SPTB: variants seen among roughly 807,000 people sequenced by gnomAD.
The protein encoded by SPTB is spectrin beta chain, erythrocytic.
In SPTB, 45 loss-of-function variants were observed where a neutral mutation model predicts 256.2. That is an observed-to-expected ratio of 0.18 (90% CI 0.14 to 0.23). The LOEUF is 0.23. Among genes scored for constraint, SPTB ranks in the 10% least tolerant of loss-of-function variants. SPTB has a pLI of 1.00. For missense variants in SPTB, 2,715 were observed against 3,040.4 expected (o/e 0.89, Z 2.52); for synonymous variants, 1,231 against 1,243.1 (o/e 0.99, Z 0.21).
At chr14:64,829,202 T>C (rs1249931695) in intron 1 of SPTB, among the ~76,000 whole-genome samples, 1 of 152,164 alleles carries the variant, frequency 6.6e-6, no homozygotes, top group Admixed American at 6.5e-5. Context: ...TTCCCATTTA[T>C]AGGAATTACA....
In SPTB at chr14:64,775,714, T is replaced by C. The variant is rs1192928579; in HGVS notation, c.4564-311A>G. ...TGACCTGGCAGCCTGTGCTCTTGAC[T>C]GTCCCCTATCTTCCTGTGCTTCAGC... is the stretch of plus-strand genomic sequence containing the variant. On this transcript the variant is annotated intron_variant, in intron 22 of 35. Transcript: ENST00000644917. The surrounding 1 kb of genome is among the most constrained non-coding windows in gnomAD (Gnocchi z 5.0). Among the ~76,000 whole-genome samples the C allele has an allele frequency of 6.6e-6, 1 of 152,250 alleles. No homozygotes were observed. Among genetic ancestry groups the C allele is most frequent in the African/African-American group, 2.4e-5 (1 of 41,478 alleles).
At chr14:64,861,892 G>A (rs1014155164) in intron 1 of SPTB, among the ~76,000 whole-genome samples, 3 of 152,068 alleles carry the variant, frequency 2.0e-5, no homozygotes, top group Non-Finnish European at 4.4e-5. Context: ...GAATTTCCAC[G>A]GCCTTGGATT....
chr14:64,862,574 C>T (rs990857759), intron 1 of SPTB, among the ~76,000 whole-genome samples: 2 of 151,996 alleles, frequency 1.3e-5, no homozygotes, highest in East Asian at 1.9e-4. Flanking sequence ...TTTGTGTCCA[C>T]TGGCACTTAA....
chr14:64,782,258 T>C, intron 20 of SPTB, 32 bp downstream of exon 20: 1 of 1,614,132 alleles, frequency 6.2e-7, no homozygotes, highest in East Asian at 2.2e-5. Context: ...CCTTCTATCC[T>C]AACACTCTGA....
At chr14:64,800,199 G>C (rs2082855961) in intron 8 of SPTB, among the ~76,000 whole-genome samples, 1 of 152,250 alleles carries the variant, frequency 6.6e-6, no homozygotes, top group African/African-American at 2.4e-5. Context: ...CAGTGCTAGA[G>C]AAGATTGGTA....
At position 64,824,074 on chromosome 14, in the gene SPTB, G is replaced by C. The variant is rs1216264439; in HGVS notation, c.-51-929C>G. 6.6e-6 allele frequency among the ~76,000 whole-genome samples: 1 copy of C among 152,158 alleles called. No individual in the cohort carries two copies. The highest frequency in any genetic ancestry group is 1.9e-4 in the East Asian group (1 of 5,194). ...AGGTGGCAGGCACTGTACTAGGCAGGGGCAAGTAAGACAGGAAAGTCATGT... is the reference window on the plus strand; with the variant it reads ...AGGTGGCAGGCACTGTACTAGGCAGCGGCAAGTAAGACAGGAAAGTCATGT... On this transcript the variant is annotated intron_variant, in intron 1 of 35. Transcript: ENST00000644917. This position sits in a 1 kb window ranked among gnomAD's most constrained non-coding sequence, Gnocchi z 5.7.
Position 64,786,959 on chromosome 14 carries a change from A to C in SPTB, c.3006T>G (p.Arg1002=), listed in dbSNP as rs558594444. 8 of 1,613,982 alleles carry C rather than the reference A, an allele frequency of 5.0e-6. No homozygotes were observed. The East Asian group carries it at 1.6e-4, about 31-fold the overall frequency. The change falls in exon 16 of 36, where the codon CGT becomes CGG. Residue 1002 remains arginine, a synonymous_variant. Coordinates refer to ENST00000644917, the MANE Select transcript of SPTB (RefSeq NM_001355436.2). This position sits in a 1 kb window ranked among gnomAD's most constrained non-coding sequence, Gnocchi z 5.6. ...CACGGGCCTGGATGGCGGCCACGTC[A>C]CGCTCCAGCCCTGACAACTTCCTCT... ...AIQRKLSGLE[R]DVAAIQARVD...
At chr14:64,822,362 T>TTGGGATACACACACACACA (rs1566786925) in intron 2 of SPTB, among the ~76,000 whole-genome samples, 1 of 2,812 alleles carries the variant, frequency 3.6e-4, no homozygotes, top group Non-Finnish European at 1.1e-3. Flanking sequence ...TCTCTCTCTC[T>TTGGGATACACACACACACA]CTCTCTCTCT....
chr14:64,797,505 A>G (rs2082797628), intron 10 of SPTB, among the ~76,000 whole-genome samples: 1 of 97,796 alleles, frequency 1.0e-5, no homozygotes, highest in Non-Finnish European at 2.0e-5. Context: ...AAAAAAAAGG[A>G]CTCAGGGATG....
Position 64,853,830 on chromosome 14 carries a change from G to A in SPTB, c.-52+25962C>T, listed in dbSNP as rs1162543014. ...CTGGCCTAGGATCTCACACATATCA[G>A]GAGCTTAGTAAAATTTAACACTTAT... On this transcript the variant is annotated intron_variant, in intron 1 of 35. Coordinates refer to ENST00000644917, the MANE Select transcript of SPTB (RefSeq NM_001355436.2). This position sits in a 1 kb window ranked among gnomAD's most constrained non-coding sequence, Gnocchi z 4.3. 6.6e-6 allele frequency among the ~76,000 whole-genome samples: 1 copy of A among 152,162 alleles called. No homozygotes were observed. The highest frequency in any genetic ancestry group is 2.4e-5 in the African/African-American group (1 of 41,424).
intron 32 of SPTB, among the ~76,000 whole-genome samples, chr14:64,762,489 C>T (rs1448545977): frequency 6.6e-6 from 1 of 152,228 alleles, no homozygotes; most frequent in Non-Finnish European, 1.5e-5. Flanking sequence ...AGACACCGGC[C>T]AAGAGGTGGT....
At chr14:64,820,630 A>G (rs1055155842) in intron 2 of SPTB, among the ~76,000 whole-genome samples, 1 of 152,190 alleles carries the variant, frequency 6.6e-6, no homozygotes, top group East Asian at 1.9e-4. Context: ...AGGAGGCTCA[A>G]CTAGGCACAG....
At position 64,786,375 on chromosome 14, in the gene SPTB, G is replaced by T; in HGVS notation, c.3561+29C>A. ...CAAGAGCTACTGCCCTGAGAGACCC[G>T]CCTGTCCCAGCCCTGAATGCCTCTC... On this transcript the variant is annotated intron_variant, in intron 16 of 35. Coordinates refer to ENST00000644917, the MANE Select transcript of SPTB (RefSeq NM_001355436.2). The surrounding 1 kb of genome is among the most constrained non-coding windows in gnomAD (Gnocchi z 5.6). The T allele has an allele frequency of 1.2e-6, 2 of 1,613,344 alleles. No individual in the cohort carries two copies. The highest frequency in any genetic ancestry group is 1.7e-6 in the Non-Finnish European group (2 of 1,179,980).
rs144668591 is a variant in SPTB, at chr14:64,794,533, T to C, written c.1729A>G (p.Ile577Val). ...TTCACTTTGTCCCCTTGGATGGCGA[T>C]GTCAGCTTCCATCAACTTGTGCTTC... ...LQKHKLMEADIAIQGDKVKAI... is the reference protein window; with the variant it reads ...LQKHKLMEADVAIQGDKVKAI... Residue 577 changes from isoleucine (I) to valine (V), a missense_variant, in exon 13 of 36, where the codon ATC becomes GTC. Transcript: ENST00000644917. 71 of 1,614,070 alleles carry C rather than the reference T, an allele frequency of 4.4e-5. No homozygotes were observed. Among genetic ancestry groups the C allele is most frequent in the East Asian group, 1.6e-4 (7 of 44,884 alleles).
At chr14:64,803,535 ATT>A in intron 4 of SPTB, 70 bp downstream of exon 4, 4 of 1,589,954 alleles carry the variant, frequency 2.5e-6, no homozygotes, top group Non-Finnish European at 3.4e-6. Context: ...TCTGTTCAGC[ATT>A]TTATAAGATT....
chr14:64,769,502 G>T, intron 28 of SPTB, 88 bp downstream of exon 28: 2 of 1,547,188 alleles, frequency 1.3e-6, no homozygotes, highest in Non-Finnish European at 1.8e-6. Flanking sequence ...AAAAGCTGCA[G>T]CTCTCATCTC....
intron 1 of SPTB, among the ~76,000 whole-genome samples, chr14:64,865,890 C>A (rs999643042): frequency 2.0e-5 from 3 of 152,158 alleles, no homozygotes; most frequent in Non-Finnish European, 4.4e-5. Context: ...CGTAAAGAAC[C>A]CTCCTGCGTC....
In SPTB at chr14:64,847,369, A is replaced by G. The variant is rs2083709957; in HGVS notation, c.-51-24224T>C. Among the ~76,000 whole-genome samples, 1 of 152,216 alleles carries G rather than the reference A, an allele frequency of 6.6e-6. No homozygotes were observed. The highest frequency in any genetic ancestry group is 2.4e-5 in the African/African-American group (1 of 41,456). On this transcript the variant is annotated intron_variant, in intron 1 of 35. Transcript: ENST00000644917. The surrounding 1 kb of genome is among the most constrained non-coding windows in gnomAD (Gnocchi z 5.9). ...ACAGCCCTCTTCCAAGTGTCGTATC[A>G]TGTCTCAGGCTAAGAGGACCCCGAT... is the stretch of plus-strand genomic sequence containing the variant.
chr14:64,843,437 G>C (rs1005394739), intron 1 of SPTB, among the ~76,000 whole-genome samples: 4 of 151,768 alleles, frequency 2.6e-5, no homozygotes, highest in African/African-American at 9.7e-5. Flanking sequence ...TACTTCACTG[G>C]GGAAAAAAAA....
Sources: gnomAD v4.1 joint callset for allele counts (sites outside exome capture counted in the v4.1 genomes callset) on GRCh38, gnomAD v4.1.1 for gene constraint, Gnocchi (gnomAD v3.1) non-coding constraint, MANE v1.5 for transcripts, NCBI Gene and HGNC (gene_info 2026-07-23, HGNC 2026-07-21) for gene names.